Variants in DSCAM observed in about 807,000 individuals in gnomAD.
DSCAM encodes cell adhesion molecule DSCAM.
In DSCAM, 47 loss-of-function variants were observed where a neutral mutation model predicts 217.7. That is an observed-to-expected ratio of 0.22 (90% CI 0.17 to 0.28). The LOEUF (loss-of-function observed/expected upper bound fraction) is 0.28. Ranked by LOEUF, DSCAM falls within the 10% of genes least tolerant of loss-of-function variation. The probability of loss-of-function intolerance (pLI) is 1.00; values close to 1 mark genes in which losing one functional copy is unlikely to be tolerated. For missense variants in DSCAM, 2,080 were observed against 2,618.3 expected, an observed-to-expected ratio of 0.79 and a Z score of 4.49; for synonymous variants, 1,056 against 1,015.3, an observed-to-expected ratio of 1.04 and a Z score of -0.76.
At chr21:40,579,572 G>T (rs1232113258) in intron 3 of DSCAM, among the ~76,000 whole-genome samples, 1 of 152,088 alleles carries the variant, frequency 6.6e-6, no homozygotes, top group Non-Finnish European at 1.5e-5. Context: ...AGCCAAGCAG[G>T]AAAGAAACCC....
chr21:40,333,718 A>T (rs1340398486), intron 8 of DSCAM, among the ~76,000 whole-genome samples: 2 of 152,204 alleles, frequency 1.3e-5, no homozygotes, highest in Non-Finnish European at 2.9e-5. Context: ...AAAGGCTAAG[A>T]TTGCGAATGG....
chr21:40,699,061 C>A (rs114535901), intron 2 of DSCAM, among the ~76,000 whole-genome samples: 131 of 152,222 alleles, frequency 8.6e-4, no homozygotes, highest in African/African-American at 3.1e-3. Flanking sequence ...CTATCAGCAC[C>A]ATTTTTCCAG....
At chr21:40,471,201 T>A (rs1426803709) in intron 3 of DSCAM, among the ~76,000 whole-genome samples, 3 of 152,216 alleles carry the variant, frequency 2.0e-5, no homozygotes, top group Non-Finnish European at 4.4e-5. Context: ...AGCACTTTAC[T>A]TCTAAAGTTC....
intron 32 of DSCAM, among the ~76,000 whole-genome samples, chr21:40,026,402 G>C (rs1010350686): frequency 7.1e-6 from 1 of 140,070 alleles, no homozygotes; most frequent in Non-Finnish European, 1.5e-5. Context: ...TTGATGCAGA[G>C]CTGAGTTCAA....
intron 11 of DSCAM, among the ~76,000 whole-genome samples, chr21:40,236,826 T>C (rs769251808): frequency 9.9e-5 from 15 of 152,180 alleles, no homozygotes; most frequent in Non-Finnish European, 1.9e-4. Flanking sequence ...AGATGTTTCA[T>C]CTTACTAGTG....
chr21:40,649,898 G>C (rs2089992777), intron 3 of DSCAM, among the ~76,000 whole-genome samples: 1 of 152,192 alleles, frequency 6.6e-6, no homozygotes, highest in South Asian at 2.1e-4. Context: ...GAGAGAGAGA[G>C]ACAGAGTAGA....
chr21:40,297,310 C>T (rs2073965957), intron 9 of DSCAM, among the ~76,000 whole-genome samples: 1 of 152,194 alleles, frequency 6.6e-6, no homozygotes, highest in Admixed American at 6.5e-5. Context: ...ATATGTATCA[C>T]ATCTCTTAGA....
intron 11 of DSCAM, among the ~76,000 whole-genome samples, chr21:40,267,884 G>C (rs1366816713): frequency 6.7e-6 from 1 of 149,408 alleles, no homozygotes; most frequent in Admixed American, 6.6e-5. Context: ...AAACAAGAGA[G>C]AAACTCCACC....
chr21:40,464,743 C>CTT (rs931964730), intron 3 of DSCAM, among the ~76,000 whole-genome samples: 145 of 141,252 alleles, frequency 1.0e-3, no homozygotes, highest in South Asian at 7.7e-3. Flanking sequence ...CCAGAACCAT[C>CTT]TTTTTTTTTT....
chr21:40,160,608 C>T (rs936982375), intron 16 of DSCAM, among the ~76,000 whole-genome samples: 2 of 152,094 alleles, frequency 1.3e-5, no homozygotes, highest in Admixed American at 6.5e-5. Context: ...GGACCTGGTC[C>T]AATTGTAAAA....
chr21:40,321,717 C>T (rs1449981724), intron 8 of DSCAM, among the ~76,000 whole-genome samples: 3 of 151,824 alleles, frequency 2.0e-5, no homozygotes, highest in Non-Finnish European at 4.4e-5. Flanking sequence ...ACCTCTGCTC[C>T]AACACCTTTA....
At chr21:40,252,443 GT>G (rs987165755) in intron 11 of DSCAM, among the ~76,000 whole-genome samples, 1 of 152,096 alleles carries the variant, frequency 6.6e-6, no homozygotes, top group African/African-American at 2.4e-5. Context: ...ATGAGATTTT[GT>G]TGTTTTCCTC....
At chr21:40,798,789 C>CT (rs989894495) in intron 1 of DSCAM, among the ~76,000 whole-genome samples, 11 of 152,138 alleles carry the variant, frequency 7.2e-5, no homozygotes, top group African/African-American at 1.9e-4. Flanking sequence ...ACAAGAGTTG[C>CT]TTTTTTGTGT....
intron 3 of DSCAM, among the ~76,000 whole-genome samples, chr21:40,371,787 G>A (rs2074901735): frequency 6.6e-6 from 1 of 152,128 alleles, no homozygotes; most frequent in South Asian, 2.1e-4. Context: ...GAGTTTCTGT[G>A]CGTAAACCCA....
chr21:40,400,972 G>A (rs1477286036), intron 3 of DSCAM, among the ~76,000 whole-genome samples: 1 of 152,128 alleles, frequency 6.6e-6, no homozygotes, highest in Non-Finnish European at 1.5e-5. Context: ...TAAATATTGG[G>A]AGGCTGTCAA....
intron 1 of DSCAM, among the ~76,000 whole-genome samples, chr21:40,842,525 C>A (rs116224165): frequency 0.011 from 1,657 of 152,198 alleles, 32 homozygotes; most frequent in African/African-American, 0.038. Context: ...TTTTATTTTG[C>A]AAACATAAAT....
chr21:40,242,165 T>A (rs2222977), intron 11 of DSCAM, among the ~76,000 whole-genome samples: 82,540 of 151,044 alleles, frequency 0.55, 23,959 homozygotes, highest in African/African-American at 0.76. Flanking sequence ...TTTTTTTTTT[T>A]AAAAGAAAGA....
At chr21:40,133,053 A>T (rs956024740) in intron 19 of DSCAM, among the ~76,000 whole-genome samples, 30 of 152,312 alleles carry the variant, frequency 2.0e-4, no homozygotes, top group African/African-American at 6.5e-4. Flanking sequence ...CTGTGCTGGA[A>T]TATTTTGGGA....
At chr21:40,298,626 A>T (rs2123454432) in intron 9 of DSCAM, among the ~76,000 whole-genome samples, 1 of 152,362 alleles carries the variant, frequency 6.6e-6, no homozygotes, top group African/African-American at 2.4e-5. Context: ...TAAGTTTTCT[A>T]GTAAAAGTGA....
Sources: gnomAD v4.1 joint callset for allele counts (sites outside exome capture counted in the v4.1 genomes callset) on GRCh38, gnomAD v4.1.1 for gene constraint, MANE v1.5 for transcripts, NCBI Gene and HGNC (gene_info 2026-07-23, HGNC 2026-07-21) for gene names.